DGCR2: variants seen among roughly 807,000 people sequenced by gnomAD.
The protein encoded by DGCR2 is DiGeorge syndrome critical region gene 2, also known as integral membrane protein DGCR2/IDD.
A neutral mutation model predicts 51.6 loss-of-function variants in DGCR2; 24 were observed. That is an observed-to-expected ratio of 0.47 (90% confidence interval 0.34 to 0.65). DGCR2 has a LOEUF of 0.65. Among genes scored for constraint, DGCR2 ranks in the 30% least tolerant of loss-of-function variants. The pLI, the probability that DGCR2 is intolerant of heterozygous loss-of-function variation, is 0.01. For missense variants in DGCR2, 765 were observed against 772.1 expected (o/e 0.99, Z 0.11); for synonymous variants, 340 against 315.4 (o/e 1.08, Z -0.82).
intron 1 of DGCR2, among the ~76,000 whole-genome samples, chr22:19,099,644 T>G (rs2083179767): frequency 6.6e-6 from 1 of 152,050 alleles, no homozygotes; most frequent in African/African-American, 2.4e-5. Flanking sequence ...AAGCAGTAAG[T>G]GCAACTTCTG....
chr22:19,063,113 G>C (rs574638251), intron 5 of DGCR2, 89 bp downstream of exon 5: 7 of 1,280,400 alleles, frequency 5.5e-6, no homozygotes, highest in Admixed American at 3.6e-5. Flanking sequence ...TACGGGCCAG[G>C]CAGCACTGGG....
intron 5 of DGCR2, among the ~76,000 whole-genome samples, chr22:19,062,776 C>CATTCCCAT (rs1363509718): frequency 2.4e-5 from 3 of 123,202 alleles, no homozygotes; most frequent in Admixed American, 8.3e-5. Context: ...CACATGCATG[C>CATTCCCAT]TCACTCTCTC....
Position 19,051,386 on chromosome 22 carries a change from A to G in DGCR2, c.803-2743T>C, listed in dbSNP as rs73384869. Among the ~76,000 whole-genome samples the G allele has an allele frequency of 2.7e-4, 41 of 152,228 alleles. 1 individual carries two copies. The highest frequency in any genetic ancestry group is 9.6e-4 in the African/African-American group (40 of 41,534). On this transcript the variant is annotated intron_variant, in intron 6 of 9. Coordinates refer to ENST00000263196, the MANE Select transcript of DGCR2 (RefSeq NM_005137.3). ...ACTAGAAAAAATATTTGCAAACCAC[A>G]TATCTGACAAAGGACTGGTATCTAG...
intron 2 of DGCR2, among the ~76,000 whole-genome samples, chr22:19,083,706 C>CCCCGCT (rs2082968959): frequency 9.4e-6 from 1 of 106,616 alleles, no homozygotes; most frequent in African/African-American, 4.3e-5. Context: ...CCTCCCCCTC[C>CCCCGCT]CCCTCTCCCT....
At chr22:19,104,903 GAGA>G (rs57890641) in intron 1 of DGCR2, among the ~76,000 whole-genome samples, 14,259 of 152,274 alleles carry the variant, frequency 0.094, 725 homozygotes, top group Middle Eastern at 0.15. Context: ...CAGCAGAGGG[GAGA>G]AGGTTTGGAA....
At chr22:19,111,615 T>A (rs2146050912) in intron 1 of DGCR2, among the ~76,000 whole-genome samples, 1 of 152,198 alleles carries the variant, frequency 6.6e-6, no homozygotes, top group East Asian at 1.9e-4. Context: ...AGGTAAAGGG[T>A]GTGTAGAACT....
At chr22:19,118,183 G>A (rs2083392726) in intron 1 of DGCR2, among the ~76,000 whole-genome samples, 1 of 152,024 alleles carries the variant, frequency 6.6e-6, no homozygotes, top group Admixed American at 6.6e-5. Flanking sequence ...AGCCTACATG[G>A]CCAACATGGT....
At chr22:19,086,480 A>G (rs2083017946) in intron 2 of DGCR2, among the ~76,000 whole-genome samples, 2 of 152,070 alleles carry the variant, frequency 1.3e-5, no homozygotes, top group African/African-American at 4.8e-5. Context: ...CTCCATCTCA[A>G]ATAAAAAAAA....
chr22:19,057,069 T>C lies in DGCR2; in HGVS notation c.719A>G (p.His240Arg). 3 of 1,602,200 alleles carry C rather than the reference T, an allele frequency of 1.9e-6. No individual in the cohort carries two copies. Among genetic ancestry groups the C allele is most frequent in the Non-Finnish European group, 8.5e-7 (1 of 1,174,650 alleles). Residue 240 changes from histidine to arginine, a missense_variant, in exon 6 of 10, where the codon CAT becomes CGT. Around this residue, in one of 3 missense-constraint regions of DGCR2, gnomAD observed 190 missense variants for 265.2 expected, o/e 0.72. Coordinates refer to ENST00000263196, the MANE Select transcript of DGCR2 (RefSeq NM_005137.3). The surrounding 1 kb of genome is among the most constrained non-coding windows in gnomAD (Gnocchi z 5.1). ...GTCGTGGTGCCGCAGGGTGGGGAAA[T>C]GGAAGCACTGAAGCTGGGCACAGAA... is the stretch of plus-strand genomic sequence containing the variant. Reference protein sequence around the residue: ...NVFCAQLQCFHFPTLRHHDLH... With the variant: ...NVFCAQLQCFRFPTLRHHDLH...
chr22:19,069,702 T>A (rs1006651771), intron 2 of DGCR2, among the ~76,000 whole-genome samples: 2 of 152,222 alleles, frequency 1.3e-5, no homozygotes, highest in Non-Finnish European at 2.9e-5. Context: ...GGTTTGAGGT[T>A]AGGCTGTTTG....
At chr22:19,094,070 A>G (rs1426053891) in intron 1 of DGCR2, among the ~76,000 whole-genome samples, 1 of 152,270 alleles carries the variant, frequency 6.6e-6, no homozygotes, top group Non-Finnish European at 1.5e-5. Context: ...AGGAAGATAT[A>G]TACAGATGGC....
intron 2 of DGCR2, among the ~76,000 whole-genome samples, chr22:19,075,220 G>A (rs527511084): frequency 7.3e-5 from 11 of 151,078 alleles, no homozygotes; most frequent in African/African-American, 2.0e-4. Flanking sequence ...AAGGTCAGGA[G>A]ATCGAGACCA....
chr22:19,046,431 G>C (rs894597141), intron 7 of DGCR2: 3 of 153,544 alleles, frequency 2.0e-5, no homozygotes, highest in African/African-American at 7.2e-5. Context: ...GATTCCCTAG[G>C]ATTTTCTATG....
At chr22:19,088,115 GA>G (rs2083038624) in intron 2 of DGCR2, among the ~76,000 whole-genome samples, 1 of 152,208 alleles carries the variant, frequency 6.6e-6, no homozygotes, top group Non-Finnish European at 1.5e-5. Flanking sequence ...TGGTTGGAAT[GA>G]ATTGGTTTTC....
rs118064114 is a variant in DGCR2, at chr22:19,094,494, A to G, written c.80-5004T>C. On this transcript the variant is annotated intron_variant, in intron 1 of 9. Coordinates refer to ENST00000263196, the MANE Select transcript of DGCR2 (RefSeq NM_005137.3). ...ACTAGAATGGCTAAAATGAAAAAGA[A>G]TGACCATACCAAGTGGTGGCAAGTG... Among the ~76,000 whole-genome samples, 1,412 of 152,362 alleles carry G rather than the reference A, an allele frequency of 9.3e-3. 15 individuals carry two copies. Among genetic ancestry groups the G allele is most frequent in the Non-Finnish European group, 0.014 (955 of 68,034 alleles).
intron 8 of DGCR2, 111 bp from the exon 9 acceptor site, chr22:19,041,405 A>G (rs1372677806): frequency 9.5e-7 from 1 of 1,053,846 alleles, no homozygotes; most frequent in Non-Finnish European, 1.4e-6. Context: ...GAGTGCACAC[A>G]CCTGTGCCCC....
chr22:19,106,664 A>G (rs1185660752), intron 1 of DGCR2, among the ~76,000 whole-genome samples: 4 of 152,086 alleles, frequency 2.6e-5, no homozygotes, highest in Non-Finnish European at 4.4e-5. Flanking sequence ...AAGCTGTTCT[A>G]TGTATTGAAA....
chr22:19,072,851 C>A (rs2082830654), intron 2 of DGCR2, among the ~76,000 whole-genome samples: 1 of 151,860 alleles, frequency 6.6e-6, no homozygotes, highest in Non-Finnish European at 1.5e-5. Flanking sequence ...TCCAGCCTGG[C>A]AACAGAGCAA....
intron 6 of DGCR2, among the ~76,000 whole-genome samples, chr22:19,051,401 C>G (rs2082547622): frequency 6.6e-6 from 1 of 152,020 alleles, no homozygotes; most frequent in Non-Finnish European, 1.5e-5. Flanking sequence ...TGACAAAGGA[C>G]TGGTATCTAG....
Sources: gnomAD v4.1 joint callset for allele counts (sites outside exome capture counted in the v4.1 genomes callset) on GRCh38, gnomAD v4.1.1 for gene constraint, gnomAD v4.1.1 regional missense constraint, Gnocchi (gnomAD v3.1) non-coding constraint, MANE v1.5 for transcripts, NCBI Gene and HGNC (gene_info 2026-07-23, HGNC 2026-07-21) for gene names.